RGS5: variants seen among roughly 807,000 people sequenced by gnomAD.
RGS5 encodes the protein regulator of G-protein signalling 5.
A neutral mutation model predicts 18.9 loss-of-function variants in RGS5; 20 were observed. That is an observed-to-expected ratio of 1.06 (90% CI 0.74 to 1.54). RGS5 has a LOEUF of 1.54. RGS5 is among the 40% of genes most tolerant of loss of function. RGS5 has a pLI of 0.00. For missense variants in RGS5, 201 were observed against 211.8 expected, an observed-to-expected ratio of 0.95 and a Z score of 0.32; for synonymous variants, 57 against 76.2, an observed-to-expected ratio of 0.75 and a Z score of 1.31.
intron 2 of RGS5, chr1:163,244,795 T>C (rs1042231773): frequency 2.6e-5 from 4 of 152,174 alleles, no homozygotes; most frequent in African/African-American, 9.7e-5. Context: ...GAAGGTTTAA[T>C]TAACCAGAAA....
intron 1 of RGS5, among the ~76,000 whole-genome samples, chr1:163,183,238 T>TC (rs1433046384): frequency 1.3e-5 from 2 of 152,158 alleles, no homozygotes; most frequent in Admixed American, 6.5e-5. Flanking sequence ...TTCTTCTTTC[T>TC]CCCCCCAAAA....
At chr1:163,275,805 G>A (rs1648837233) in intron 2 of RGS5, among the ~76,000 whole-genome samples, 1 of 152,072 alleles carries the variant, frequency 6.6e-6, no homozygotes, top group African/African-American at 2.4e-5. Context: ...AAGTAAGGGA[G>A]GGAGGAAGAA....
rs545175674 is a variant in RGS5, at chr1:163,153,247, C to T, written c.218-531G>A. On this transcript the variant is annotated intron_variant, in intron 3 of 4. Coordinates refer to ENST00000313961, the MANE Select transcript of RGS5 (RefSeq NM_003617.4). ...CCAAGCACTATGATTTAAGTCACCA[C>T]GATAAGTAAAATAGACATGGTTCCT... 4.5e-4 allele frequency among the ~76,000 whole-genome samples: 68 copies of T among 152,068 alleles called. 1 individual carries two copies. In the South Asian group the frequency reaches 0.012, roughly 26 times the overall value.
chr1:163,152,356 C>T (rs758366633), intron 4 of RGS5, 194 bp downstream of exon 4: 71 of 466,358 alleles, frequency 1.5e-4, no homozygotes, highest in Non-Finnish European at 2.1e-4. Flanking sequence ...AACTAGAAAG[C>T]GGTCTGAACA....
intron 3 of RGS5, among the ~76,000 whole-genome samples, chr1:163,153,868 C>T (rs1356710433): frequency 6.6e-6 from 1 of 151,724 alleles, no homozygotes; most frequent in Non-Finnish European, 1.5e-5. Context: ...CAATGTATGG[C>T]TATAGGGAGA....
intron 2 of RGS5, among the ~76,000 whole-genome samples, chr1:163,236,973 A>C (rs1647639214): frequency 6.6e-6 from 1 of 151,848 alleles, no homozygotes; most frequent in South Asian, 2.1e-4. Context: ...AAAAAAAAAA[A>C]GATGGCCAAT....
chr1:163,153,514 A>T (rs1373557548), intron 3 of RGS5, among the ~76,000 whole-genome samples: 1 of 152,154 alleles, frequency 6.6e-6, no homozygotes, highest in Non-Finnish European at 1.5e-5. Flanking sequence ...CATCAATTAT[A>T]CATCAGGTTT....
intron 1 of RGS5, among the ~76,000 whole-genome samples, chr1:163,195,701 G>A (rs1659537039): frequency 6.6e-6 from 1 of 150,920 alleles, no homozygotes; most frequent in Admixed American, 6.6e-5. Flanking sequence ...GTTATGATGA[G>A]GAAGGATAAA....
At chr1:163,204,473 C>G (rs1287683805), upstream of RGS5, among the ~76,000 whole-genome samples, 2 of 152,102 alleles carry the variant, frequency 1.3e-5, no homozygotes, top group Non-Finnish European at 2.9e-5. Flanking sequence ...CCTTAGCCTC[C>G]TAAGTAACTG....
chr1:163,298,426 T>G lies in RGS5; in HGVS notation c.-281+7807A>C, dbSNP rs184605200. 2.2e-3 allele frequency among the ~76,000 whole-genome samples: 333 copies of G among 152,196 alleles called. 2 individuals carry two copies. Among genetic ancestry groups the G allele is most frequent in the Middle Eastern group, 0.014 (4 of 294 alleles). ...ACAGGAGTCCCACAAAGTAGAGGAC[T>G]TGAAGAGGGGCCAGATGATAGAAGT... is the stretch of plus-strand genomic sequence containing the variant. On this transcript the variant is annotated intron_variant, in intron 2 of 5. Transcript: ENST00000618415.
At chr1:163,314,961 G>C (rs1277991049) in intron 1 of RGS5, among the ~76,000 whole-genome samples, 1 of 152,174 alleles carries the variant, frequency 6.6e-6, no homozygotes, top group African/African-American at 2.4e-5. Flanking sequence ...TACCCAGTTT[G>C]TGGCAGCTTG....
intron 2 of RGS5, among the ~76,000 whole-genome samples, chr1:163,305,917 G>C (rs187148024): frequency 1.3e-5 from 2 of 152,230 alleles, no homozygotes; most frequent in Non-Finnish European, 2.9e-5. Context: ...TTCTGCTGCT[G>C]GCATATAGCT....
intron 2 of RGS5, among the ~76,000 whole-genome samples, chr1:163,291,155 T>C (rs951231022): frequency 1.3e-5 from 2 of 151,716 alleles, no homozygotes; most frequent in African/African-American, 4.8e-5. Flanking sequence ...AGGTTCTCTG[T>C]AGAATCATAA....
chr1:163,183,975 C>T (rs1658963306), intron 1 of RGS5, among the ~76,000 whole-genome samples: 1 of 152,188 alleles, frequency 6.6e-6, no homozygotes, highest in African/African-American at 2.4e-5. Flanking sequence ...TTCCTGAAAA[C>T]TTCTCCTCAG....
intron 2 of RGS5, among the ~76,000 whole-genome samples, chr1:163,293,011 CTTTAG>C (rs148361169): frequency 0.11 from 16,878 of 152,118 alleles, 1,232 homozygotes; most frequent in South Asian, 0.21. Flanking sequence ...TGCAGAAGCT[CTTTAG>C]TTTAATTAGA....
intron 2 of RGS5, among the ~76,000 whole-genome samples, chr1:163,297,786 A>T (rs549444260): frequency 6.6e-5 from 10 of 152,190 alleles, no homozygotes; most frequent in Non-Finnish European, 1.5e-4. Flanking sequence ...TCTCTACAAG[A>T]ACAAGAAACA....
intron 2 of RGS5, among the ~76,000 whole-genome samples, chr1:163,265,281 A>G (rs1648548037): frequency 6.6e-6 from 1 of 152,036 alleles, no homozygotes; most frequent in Admixed American, 6.5e-5. Flanking sequence ...CTTCCTTACC[A>G]TCTTAACTTT....
At chr1:163,233,057 T>C (rs187093566) in intron 2 of RGS5, among the ~76,000 whole-genome samples, 1 of 152,380 alleles carries the variant, frequency 6.6e-6, no homozygotes, top group Admixed American at 6.5e-5. Context: ...CTTCAACCTT[T>C]ATGATGTTGA....
chr1:163,281,473 A>T (rs1158206476), intron 2 of RGS5, among the ~76,000 whole-genome samples: 2 of 152,118 alleles, frequency 1.3e-5, no homozygotes, highest in Non-Finnish European at 2.9e-5. Flanking sequence ...AAAGAGGACG[A>T]GGGGGCCAGC....
Sources: allele counts gnomAD v4.1 joint callset (sites outside exome capture counted in the v4.1 genomes callset), GRCh38; gene constraint gnomAD v4.1.1; transcripts MANE v1.5; gene names NCBI Gene and HGNC (gene_info 2026-07-23, HGNC 2026-07-21).